The following BIRC6 variants were observed in gnomAD, a reference collection of about 807,000 sequenced individuals.
BIRC6 encodes the protein baculoviral IAP repeat containing 6, also known as dual E2 ubiquitin-conjugating enzyme/E3 ubiquitin-protein ligase BIRC6.
Under a neutral mutation model 503.3 loss-of-function variants are expected in BIRC6, and 98 were observed. That is an observed-to-expected ratio of 0.19 (90% confidence interval 0.17 to 0.23). BIRC6 has a LOEUF of 0.23. Ranked by LOEUF, BIRC6 falls within the 10% of genes least tolerant of loss-of-function variation. The pLI is 1.00. For missense variants in BIRC6, 5,360 were observed against 5,806.0 expected, an observed-to-expected ratio of 0.92 and a Z score of 2.50; for synonymous variants, 2,240 against 2,078.7, an observed-to-expected ratio of 1.08 and a Z score of -2.11.
chr2:32,521,448 T>A (rs2055683961), intron 57 of BIRC6, among the ~76,000 whole-genome samples: 1 of 149,812 alleles, frequency 6.7e-6, no homozygotes, highest in African/African-American at 2.4e-5. Context: ...ACCTATTATT[T>A]TTTCTCTCTC....
intron 44 of BIRC6, among the ~76,000 whole-genome samples, chr2:32,493,210 T>C (rs1411921009): frequency 6.6e-6 from 1 of 152,060 alleles, no homozygotes; most frequent in African/African-American, 2.4e-5. Flanking sequence ...AAATCTATGT[T>C]GAAGTTATTT....
intron 3 of BIRC6, among the ~76,000 whole-genome samples, chr2:32,381,385 G>A (rs1176754820): frequency 4.6e-5 from 7 of 151,036 alleles, no homozygotes; most frequent in South Asian, 2.1e-4. Flanking sequence ...GATTACAGGC[G>A]TGCGCCACCA....
intron 1 of BIRC6, 98 bp from the exon 2 acceptor site, chr2:32,377,490 C>A: frequency 3.2e-6 from 3 of 928,636 alleles, no homozygotes; most frequent in Non-Finnish European, 2.9e-6. Context: ...AGATCCAATT[C>A]AGGATAATAT....
chr2:32,523,453 T>C (rs1456245930), intron 57 of BIRC6: 2 of 152,230 alleles, frequency 1.3e-5, no homozygotes, highest in African/African-American at 2.4e-5. Flanking sequence ...GAATTTCTTA[T>C]TATTTAAATG....
chr2:32,466,510 G>A (rs1181980876), intron 26 of BIRC6, among the ~76,000 whole-genome samples: 1 of 152,050 alleles, frequency 6.6e-6, no homozygotes, highest in Non-Finnish European at 1.5e-5. Context: ...TTTCACTTTG[G>A]ATCTAAACCC....
chr2:32,481,200 T>C lies in BIRC6; in HGVS notation c.7409-120T>C, dbSNP rs572900549. 25 of 545,926 alleles carry C rather than the reference T, an allele frequency of 4.6e-5. No individual in the cohort carries two copies. In the African/African-American group the frequency reaches 4.7e-4, roughly 10 times the overall value. 33.8% of individuals were successfully genotyped at this position (545,926 alleles called of 1,614,324 possible). On this transcript the variant is annotated intron_variant, in intron 37 of 73. Transcript: ENST00000421745. ...GAGCGAAATGTTTGCATACATAGAG[T>C]TTTTTTTTTTAGGCATATGTAACAT...
rs946680668 is a variant in BIRC6 at position 32,357,049 on chromosome 2, C to G, written c.-113C>G. On this transcript the variant is annotated 5_prime_UTR_variant, in exon 1 of 74. Coordinates refer to ENST00000421745, the MANE Select transcript of BIRC6 (RefSeq NM_016252.4). The surrounding 1 kb of genome is among the most constrained non-coding windows in gnomAD (Gnocchi z 4.9). ...TCCCTCCCTGCTTCTCCCCCTCTCC[C>G]GTCAGCCTCCCTCCGAGTTTGGCCC... 9.5e-6 allele frequency: 9 copies of G among 946,054 alleles called. No individual in the cohort carries two copies. Among genetic ancestry groups the G allele is most frequent in the East Asian group, 3.2e-5 (1 of 31,160 alleles). The allele number at this position is 946,054 out of a possible 1,614,324, so 58.6% of individuals were successfully genotyped here. A position where few individuals can be genotyped will look rare whatever the true frequency, so the allele number is the denominator to read the frequency against.
intron 26 of BIRC6, among the ~76,000 whole-genome samples, chr2:32,466,161 G>A (rs149795878): frequency 3.4e-4 from 52 of 152,008 alleles, no homozygotes; most frequent in Non-Finnish European, 6.5e-4. Flanking sequence ...TAGCTCTGTC[G>A]AGAATAGCAC....
At position 32,475,549 on chromosome 2, in the gene BIRC6, G is replaced by A. The variant is rs2049656226; in HGVS notation, c.6721-664G>A. Among the ~76,000 whole-genome samples the A allele has an allele frequency of 2.0e-5, 3 of 152,108 alleles. No homozygotes were observed. The South Asian group carries it at 6.2e-4, about 31-fold the overall frequency. ...TACATGAACTAACACATGTAGAAGT[G>A]TATCCAACTAAATACGTACACAGAC... is the stretch of plus-strand genomic sequence containing the variant. On this transcript the variant is annotated intron_variant, in intron 33 of 73. Coordinates refer to ENST00000421745, the MANE Select transcript of BIRC6 (RefSeq NM_016252.4).
At chr2:32,364,548 G>A (rs2034601709) in intron 1 of BIRC6, among the ~76,000 whole-genome samples, 1 of 152,048 alleles carries the variant, frequency 6.6e-6, no homozygotes, top group African/African-American at 2.4e-5. Context: ...GCCCTGCTCA[G>A]TGTTCTTAGA....
At position 32,617,963 on chromosome 2, in the gene BIRC6, A is replaced by G; in HGVS notation, c.*59A>G. 1 of 1,466,590 alleles carries G rather than the reference A, an allele frequency of 6.8e-7. No individual in the cohort carries two copies. The highest frequency in any genetic ancestry group is 9.3e-7 in the Non-Finnish European group (1 of 1,074,516). 90.8% of individuals were successfully genotyped at this position (1,466,590 alleles called of 1,614,324 possible). ...CTTCGAAGCACAAGCCAAATATGTC[A>G]ATATTTGTATGTAAGAAACTAATTA... On this transcript the variant is annotated 3_prime_UTR_variant, in exon 74 of 74. Transcript: ENST00000421745.
intron 61 of BIRC6, among the ~76,000 whole-genome samples, chr2:32,532,950 G>A (rs1159935127): frequency 1.3e-5 from 2 of 152,190 alleles, no homozygotes; most frequent in East Asian, 3.9e-4. Flanking sequence ...GTACTTGGCA[G>A]AGTATGGAAT....
intron 65 of BIRC6, among the ~76,000 whole-genome samples, chr2:32,574,354 G>A (rs998904788): frequency 9.9e-5 from 15 of 151,922 alleles, no homozygotes; most frequent in Non-Finnish European, 1.3e-4. Flanking sequence ...CCAGGCTCAA[G>A]TGATCCTCCC....
In BIRC6 at chr2:32,462,054, T is replaced by TA. The variant is rs3841870; in HGVS notation, c.4754-1129dup. Among the ~76,000 whole-genome samples the TA allele has an allele frequency of 1.9e-3, 266 of 137,602 alleles. 1 individual carries two copies. The highest frequency in any genetic ancestry group is 6.1e-3 in the African/African-American group (229 of 37,638). The allele number at this position is 137,602 out of a possible 152,430, so 90.3% of individuals were successfully genotyped here. ...TACTTAATCAGCAAAAAAATAAAAA[T>TA]AAAAAAAAAAAGGTGGGGGGGATCA... On this transcript the variant is annotated intron_variant, in intron 23 of 73. Transcript: ENST00000421745.
chr2:32,447,148 A>G (rs1574269977), intron 21 of BIRC6, among the ~76,000 whole-genome samples: 1 of 149,720 alleles, frequency 6.7e-6, no homozygotes, highest in African/African-American at 2.5e-5. Context: ...TCCCATGTCT[A>G]CCTCTATCCA....
intron 68 of BIRC6, among the ~76,000 whole-genome samples, chr2:32,596,426 G>A (rs2061676692): frequency 6.9e-6 from 1 of 144,740 alleles, no homozygotes; most frequent in African/African-American, 2.6e-5. Context: ...GTTGCAGTGA[G>A]CTGAGACACT....
intron 10 of BIRC6, among the ~76,000 whole-genome samples, chr2:32,425,033 T>G (rs1420234215): frequency 6.6e-6 from 1 of 152,188 alleles, no homozygotes; most frequent in Non-Finnish European, 1.5e-5. Context: ...TTCATGTGTT[T>G]ATTGGTGATT....
intron 22 of BIRC6, among the ~76,000 whole-genome samples, chr2:32,453,320 T>C (rs560043777): frequency 6.6e-6 from 1 of 152,272 alleles, no homozygotes; most frequent in South Asian, 2.1e-4. Context: ...CAAGAAACAA[T>C]GTGTAGATAA....
At chr2:32,594,955 G>A (rs983389987) in intron 67 of BIRC6, 79 bp from the exon 68 acceptor site, 5 of 904,226 alleles carry the variant, frequency 5.5e-6, no homozygotes, top group Middle Eastern at 3.5e-4. Flanking sequence ...AACTCTAGAG[G>A]TGAATTCTTT....
Sources: gnomAD v4.1 joint callset for allele counts (sites outside exome capture counted in the v4.1 genomes callset) on GRCh38, gnomAD v4.1.1 for gene constraint, Gnocchi (gnomAD v3.1) non-coding constraint, MANE v1.5 for transcripts, NCBI Gene and HGNC (gene_info 2026-07-23, HGNC 2026-07-21) for gene names.